PLA2R1: variants seen among roughly 807,000 people sequenced by gnomAD.
PLA2R1 encodes the protein secretory phospholipase A2 receptor.
Under a neutral mutation model 195.9 loss-of-function variants are expected in PLA2R1, and 158 were observed. The ratio of observed to expected loss-of-function variants is 0.81; its 90% CI spans 0.71 to 0.92. The LOEUF (loss-of-function observed/expected upper bound fraction) is 0.92, where lower values mean the gene tolerates loss of function less well. Ranked by LOEUF, PLA2R1 falls within the 40% of genes least tolerant of loss-of-function variation. The pLI is 0.00. For missense variants in PLA2R1, 1,626 were observed against 1,764.6 expected, an observed-to-expected ratio of 0.92 and a Z score of 1.41; for synonymous variants, 586 against 598.2, an observed-to-expected ratio of 0.98 and a Z score of 0.30.
At chr2:159,988,604 C>T (rs1258882304) in intron 11 of PLA2R1, among the ~76,000 whole-genome samples, 1 of 152,148 alleles carries the variant, frequency 6.6e-6, no homozygotes, top group Non-Finnish European at 1.5e-5. Context: ...AATGAGTTTT[C>T]AAGGCATGCT....
At chr2:160,026,747 A>G (rs1238847495) in intron 6 of PLA2R1, among the ~76,000 whole-genome samples, 1 of 152,250 alleles carries the variant, frequency 6.6e-6, no homozygotes, top group Admixed American at 6.5e-5. Context: ...CTCTGGCAGC[A>G]ATTAGAATCA....
chr2:159,975,872 C>T (rs1689515554), intron 17 of PLA2R1, among the ~76,000 whole-genome samples, 196 bp downstream of exon 17: 1 of 152,080 alleles, frequency 6.6e-6, no homozygotes, highest in African/African-American at 2.4e-5. Context: ...TAAACCTGTA[C>T]CTCCATTATT....
intron 17 of PLA2R1, among the ~76,000 whole-genome samples, chr2:159,972,695 A>G (rs948610511): frequency 6.6e-6 from 1 of 152,228 alleles, no homozygotes; most frequent in African/African-American, 2.4e-5. Flanking sequence ...ACAATACTGC[A>G]TAACAGTGTA....
At chr2:160,019,899 A>G (rs761365481) in intron 8 of PLA2R1, among the ~76,000 whole-genome samples, 17 of 152,104 alleles carry the variant, frequency 1.1e-4, no homozygotes, top group Non-Finnish European at 2.4e-4. Flanking sequence ...GCTTTTCACT[A>G]TCATGTCACA....
chr2:160,032,954 C>A lies in PLA2R1; in HGVS notation c.841+5G>T. ...AATATCAATGTGCGTCATCCACCTA[C>A]TTACCCCTTATGAAATTTTCTTCAG... On this transcript the variant is annotated splice_donor_5th_base_variant and intron_variant, in intron 4 of 29. Transcript: ENST00000283243. The A allele has an allele frequency of 6.3e-7, 1 of 1,593,916 alleles. No homozygotes were observed.
chr2:159,974,587 T>C (rs1280721396), intron 17 of PLA2R1, among the ~76,000 whole-genome samples: 1 of 152,182 alleles, frequency 6.6e-6, no homozygotes. Context: ...GCTAAAGAAA[T>C]GTGTATTTTC....
downstream of PLA2R1, among the ~76,000 whole-genome samples, chr2:159,931,340 G>C (rs950251588): frequency 3.9e-5 from 6 of 152,112 alleles, no homozygotes; most frequent in African/African-American, 1.2e-4. Context: ...GACCAGCCTG[G>C]GTAACAGAGT....
intron 27 of PLA2R1, 61 bp downstream of exon 27, chr2:159,946,740 T>C (rs1345725776): frequency 6.7e-7 from 1 of 1,500,726 alleles, no homozygotes; most frequent in African/African-American, 1.5e-5. Flanking sequence ...CAGATGCCAT[T>C]ATCATCAGCT....
chr2:159,997,801 C>T (rs927477793), intron 11 of PLA2R1, among the ~76,000 whole-genome samples: 32 of 152,048 alleles, frequency 2.1e-4, no homozygotes, highest in African/African-American at 6.3e-4. Context: ...GTTTGCCTTG[C>T]GATGGATCTA....
chr2:160,016,579 C>T lies in PLA2R1; in HGVS notation c.1551+35G>A, dbSNP rs765139684. The T allele has an allele frequency of 1.2e-5, 12 of 986,360 alleles. 1 individual carries two copies. The South Asian group carries it at 1.5e-4, about 12-fold the overall frequency. The allele number at this position is 986,360 out of a possible 1,614,324, so 61.1% of individuals were successfully genotyped here. A position where few individuals can be genotyped will look rare whatever the true frequency, so the allele number is the denominator to read the frequency against. On this transcript the variant is annotated intron_variant, in intron 9 of 29. Transcript: ENST00000283243. ...GGAATTGATATTCTAGCTATGAAGT[C>T]CCTGTACCTAAATTGCAATGTTAAC...
At chr2:160,012,805 A>C (rs1692454782) in intron 10 of PLA2R1, among the ~76,000 whole-genome samples, 2 of 152,008 alleles carry the variant, frequency 1.3e-5, no homozygotes, top group South Asian at 4.2e-4. Context: ...CCAGCTACTC[A>C]TGGGGCTGAG....
At chr2:159,994,847 C>T (rs1035918562) in intron 11 of PLA2R1, among the ~76,000 whole-genome samples, 3 of 151,744 alleles carry the variant, frequency 2.0e-5, no homozygotes, top group African/African-American at 4.8e-5. Context: ...TAGTGAAATG[C>T]GTGACAGGAA....
intron 21 of PLA2R1, 24 bp from the exon 22 acceptor site, chr2:159,955,852 T>A: frequency 6.5e-7 from 1 of 1,541,974 alleles, no homozygotes; most frequent in Admixed American, 1.7e-5. Flanking sequence ...ATACATTATC[T>A]AATTTAATAC....
At position 160,062,252 on chromosome 2, in the gene PLA2R1, C is replaced by T. The variant is rs753087667; in HGVS notation, c.109+43G>A. The T allele has an allele frequency of 2.3e-6, 3 of 1,290,934 alleles. No individual in the cohort carries two copies. The South Asian group carries it at 5.2e-5, about 22-fold the overall frequency. The allele number at this position is 1,290,934 out of a possible 1,614,324, so 80.0% of individuals were successfully genotyped here. On this transcript the variant is annotated intron_variant, in intron 1 of 29. Coordinates refer to ENST00000283243, the MANE Select transcript of PLA2R1 (RefSeq NM_007366.5). ...CTCTCCTTCGACCACCCCGACCCCC[C>T]TCCCCAACGTACCGATCCAGTCCCC...
chr2:159,929,521 G>C (rs559219839), downstream of PLA2R1, among the ~76,000 whole-genome samples: 1 of 152,310 alleles, frequency 6.6e-6, no homozygotes, highest in Non-Finnish European at 1.5e-5. Flanking sequence ...TGTGGATGTG[G>C]TGAAAAGGGA....
chr2:159,953,752 C>T (rs2125935683), intron 23 of PLA2R1, among the ~76,000 whole-genome samples: 1 of 152,288 alleles, frequency 6.6e-6, no homozygotes, highest in South Asian at 2.1e-4. Context: ...AGGGCACATT[C>T]CAAGAATAAA....
intron 11 of PLA2R1, among the ~76,000 whole-genome samples, chr2:160,001,920 G>A (rs1371401244): frequency 2.6e-5 from 4 of 151,304 alleles, no homozygotes; most frequent in African/African-American, 9.7e-5. Flanking sequence ...AAAAAATATT[G>A]AGGCTATAGA....
At chr2:160,007,332 C>A (rs2105404507) in intron 10 of PLA2R1, among the ~76,000 whole-genome samples, 1 of 152,328 alleles carries the variant, frequency 6.6e-6, no homozygotes, top group South Asian at 2.1e-4. Context: ...CTGGTTAGGG[C>A]TCCACCCCCA....
At position 159,940,848 on chromosome 2, in the gene PLA2R1, G is replaced by A. The variant is rs1040384939; in HGVS notation, c.*930C>T. ...AGTACTTCTCAACAACATCTGTCTG[G>A]TTCTAATGAGACTATAATTCAGATC... On this transcript the variant is annotated 3_prime_UTR_variant, in exon 30 of 30. Transcript: ENST00000283243. 4 of 152,042 alleles carry A rather than the reference G, an allele frequency of 2.6e-5. No homozygotes were observed. The highest frequency in any genetic ancestry group is 5.9e-5 in the Non-Finnish European group (4 of 67,990). The allele number at this position is 152,042 out of a possible 1,614,324, so 9.4% of individuals were successfully genotyped here. A position where few individuals can be genotyped will look rare whatever the true frequency, so the allele number is the denominator to read the frequency against.
Sources: allele counts gnomAD v4.1 joint callset (sites outside exome capture counted in the v4.1 genomes callset), GRCh38; gene constraint gnomAD v4.1.1; transcripts MANE v1.5; gene names NCBI Gene and HGNC (gene_info 2026-07-23, HGNC 2026-07-21).